The following KLF16 variants were observed in gnomAD, a reference collection of about 807,000 sequenced individuals.
The protein encoded by KLF16 is KLF transcription factor 16, also known as Krueppel-like factor 16.
A neutral mutation model predicts 6.1 loss-of-function variants in KLF16; 6 were observed. That is an observed-to-expected ratio of 0.98 (90% CI 0.54 to 1.93). The LOEUF (loss-of-function observed/expected upper bound fraction) is 1.93, where lower values mean the gene tolerates loss of function less well. KLF16 is among the 30% of genes most tolerant of loss of function. The pLI, the probability that KLF16 is intolerant of heterozygous loss-of-function variation, is 0.01. For missense variants in KLF16, 355 were observed against 363.8 expected (o/e 0.98, Z 0.20); for synonymous variants, 211 against 176.5 (o/e 1.20, Z -1.55).
chr19:1,863,005 C>T (rs201518751), intron 1 of KLF16, 36 bp downstream of exon 1: 65 of 1,239,224 alleles, frequency 5.2e-5, no homozygotes, highest in Non-Finnish European at 6.4e-5. Context: ...CTCAGGCGGC[C>T]GCCCCCGCAA....
rs999449143 is a variant in KLF16 at position 1,857,102 on chromosome 19, G to A, written c.458-2342C>T. Among the ~76,000 whole-genome samples the A allele has an allele frequency of 6.6e-6, 1 of 152,048 alleles. No homozygotes were observed. Among genetic ancestry groups the A allele is most frequent in the Non-Finnish European group, 1.5e-5 (1 of 67,970 alleles). On this transcript the variant is annotated intron_variant, in intron 1 of 1. Transcript: ENST00000250916. This position sits in a 1 kb window ranked among gnomAD's most constrained non-coding sequence, Gnocchi z 4.7. The stretch of plus-strand genomic sequence containing the variant: ...GCCGGGGCCAGGGGGCCCGGGCCAG[G>A]GTCGCCTCTCCGGCCTGGGTGCCTG...
chr19:1,858,061 C>CA (rs1005108174), intron 1 of KLF16, among the ~76,000 whole-genome samples: 10 of 152,076 alleles, frequency 6.6e-5, no homozygotes, highest in Non-Finnish European at 1.2e-4. Context: ...CCCCCATCCC[C>CA]ACTCCTCCAG....
At position 1,863,524 on chromosome 19, in the gene KLF16, G is replaced by A. The variant is rs1165273930; in HGVS notation, c.-27C>T. 30 of 979,576 alleles carry A rather than the reference G, an allele frequency of 3.1e-5. No individual in the cohort carries two copies. The highest frequency in any genetic ancestry group is 3.4e-5 in the Non-Finnish European group (28 of 825,684). 60.7% of individuals were successfully genotyped at this position (979,576 alleles called of 1,614,324 possible). On this transcript the variant is annotated 5_prime_UTR_variant, in exon 1 of 2. Transcript: ENST00000250916. ...CCGAGCAAGGGCGCGCGGCGCGGCG[G>A]GCGGAGCGGAGGCGGCGGGAGCGGC...
At chr19:1,862,826 G>A (rs1412869560) in intron 1 of KLF16, 2 of 331,402 alleles carry the variant, frequency 6.0e-6, no homozygotes, top group Non-Finnish European at 1.1e-5. Flanking sequence ...CGCCACTGCC[G>A]CCGGGGCGGC....
In KLF16 at chr19:1,854,117, A is replaced by AC. The variant is rs945758801; in HGVS notation, c.*341dup. 25 of 257,986 alleles carry AC rather than the reference A, an allele frequency of 9.7e-5. No homozygotes were observed. In the East Asian group the frequency reaches 1.3e-3, roughly 13 times the overall value. 16.0% of individuals were successfully genotyped at this position (257,986 alleles called of 1,614,324 possible). A position where few individuals can be genotyped will look rare whatever the true frequency, so the allele number is the denominator to read the frequency against. On this transcript the variant is annotated 3_prime_UTR_variant, in exon 2 of 2. Coordinates refer to ENST00000250916, the MANE Select transcript of KLF16 (RefSeq NM_031918.4). ...GGGCCGGCTCCCAGAAGTCCACTCC[A>AC]CCCCCCCAAACCCCACCCCGGGAGG...
At chr19:1,872,202 C>T in the KLF16 span, among the ~76,000 whole-genome samples, 1 of 152,168 alleles carries the variant, frequency 6.6e-6, no homozygotes, top group African/African-American at 2.4e-5. Flanking sequence ...GCAATCTTGG[C>T]TCACTGCAAC....
rs1793798670 is a variant in KLF16, at chr19:1,852,504, C to G, written c.*1955G>C. 6.6e-6 allele frequency: 1 copy of G among 152,186 alleles called. No individual in the cohort carries two copies. The highest frequency in any genetic ancestry group is 1.5e-5 in the Non-Finnish European group (1 of 68,056). The allele number at this position is 152,186 out of a possible 1,614,324, so 9.4% of individuals were successfully genotyped here. ...GAAAGCACACGCCTCTCGGAGCCGC[C>G]TCCCCTGCAAACGGCTGGAACCAGG... is the stretch of plus-strand genomic sequence containing the variant. On this transcript the variant is annotated 3_prime_UTR_variant, in exon 2 of 2. Transcript: ENST00000250916.
chr19:1,856,823 G>A (rs2011959204), intron 1 of KLF16, among the ~76,000 whole-genome samples: 1 of 152,176 alleles, frequency 6.6e-6, no homozygotes, highest in Admixed American at 6.5e-5. Flanking sequence ...GAGGCGGCAG[G>A]AGGGAAGGGG....
At chr19:1,863,681 G>A (rs2012125557), upstream of KLF16, 1 of 149,742 alleles carries the variant, frequency 6.7e-6, no homozygotes. Context: ...ACGCACCGGA[G>A]CCCGCGGGGG....
At chr19:1,867,961 T>TGC (rs1049765607), upstream of KLF16, among the ~76,000 whole-genome samples, 355 of 146,306 alleles carry the variant, frequency 2.4e-3, 1 homozygote, top group East Asian at 0.012. Flanking sequence ...TGTGTGTGTG[T>TGC]GCGTGCGCGC....
the KLF16 span, chr19:1,875,100 G>A: frequency 6.6e-6 from 1 of 152,206 alleles, no homozygotes; most frequent in East Asian, 1.9e-4. Flanking sequence ...CTCTTATGCT[G>A]GTGGGGGAGG....
rs748662596 is a variant in KLF16, at chr19:1,854,863, C to T, written c.458-103G>A. The T allele has an allele frequency of 1.3e-5, 16 of 1,259,124 alleles. No homozygotes were observed. The East Asian group carries it at 2.5e-4, about 20-fold the overall frequency. The allele number at this position is 1,259,124 out of a possible 1,614,324, so 78.0% of individuals were successfully genotyped here. A position where few individuals can be genotyped will look rare whatever the true frequency, so the allele number is the denominator to read the frequency against. On this transcript the variant is annotated intron_variant, in intron 1 of 1. Coordinates refer to ENST00000250916, the MANE Select transcript of KLF16 (RefSeq NM_031918.4). ...AGGGTGGCGGGCATTTGTCCCGTGC[C>T]GTTTTAGAGGCTGAGCTCTGGTGTG...
chr19:1,858,770 T>G (rs2012004424), intron 1 of KLF16, among the ~76,000 whole-genome samples: 1 of 152,108 alleles, frequency 6.6e-6, no homozygotes, highest in African/African-American at 2.4e-5. Flanking sequence ...TCTGGGTACC[T>G]GGGGGTCGGC....
rs896271453 is a variant in KLF16, at chr19:1,856,955, T to TGGG, written c.458-2198_458-2196dup. Among the ~76,000 whole-genome samples, 5 of 25,514 alleles carry TGGG rather than the reference T, an allele frequency of 2.0e-4. 1 individual carries two copies. The South Asian group carries it at 4.5e-3, about 23-fold the overall frequency. 16.7% of individuals were successfully genotyped at this position (25,514 alleles called of 152,430 possible). A position where few individuals can be genotyped will look rare whatever the true frequency, so the allele number is the denominator to read the frequency against. Reference sequence around the variant, plus strand: ...TGCAAGGAGGAGCAGGTTGCCGGGGTGGGGGGGGCGACCGGGGCAGGGGCG... The same window carrying TGGG: ...TGCAAGGAGGAGCAGGTTGCCGGGGTGGGGGGGGGGGCGACCGGGGCAGGGGCG... On this transcript the variant is annotated intron_variant, in intron 1 of 1. Transcript: ENST00000250916.
At chr19:1,858,265 C>A (rs562032023) in intron 1 of KLF16, among the ~76,000 whole-genome samples, 1 of 152,316 alleles carries the variant, frequency 6.6e-6, no homozygotes, top group South Asian at 2.1e-4. Flanking sequence ...CAGCTCCCGC[C>A]TGGGCACCCA....
intron 1 of KLF16, 53 bp downstream of exon 1, chr19:1,862,988 G>T (rs2012100582): frequency 5.3e-6 from 6 of 1,137,760 alleles, no homozygotes; most frequent in Non-Finnish European, 6.8e-6. Context: ...CCTGGCGGGG[G>T]AGGGGTCTCA....
At chr19:1,864,990 G>C (rs1182539272), upstream of KLF16, among the ~76,000 whole-genome samples, 3 of 152,302 alleles carry the variant, frequency 2.0e-5, no homozygotes, top group East Asian at 5.8e-4. Context: ...GACCCGATTC[G>C]GGGCTTCTCT....
the KLF16 span, among the ~76,000 whole-genome samples, chr19:1,868,642 C>CTTTT: frequency 2.6e-5 from 3 of 117,582 alleles, no homozygotes; most frequent in Admixed American, 8.7e-5. Context: ...CCACACCGGG[C>CTTTT]TTTTTTTTTT....
At chr19:1,858,891 G>A (rs1212101393) in intron 1 of KLF16, among the ~76,000 whole-genome samples, 2 of 151,960 alleles carry the variant, frequency 1.3e-5, no homozygotes, top group African/African-American at 4.8e-5. Flanking sequence ...GGTATCATGT[G>A]CCTCCTCCCC....
Sources: gnomAD v4.1 joint callset for allele counts (sites outside exome capture counted in the v4.1 genomes callset) on GRCh38, gnomAD v4.1.1 for gene constraint, Gnocchi (gnomAD v3.1) non-coding constraint, MANE v1.5 for transcripts, NCBI Gene and HGNC (gene_info 2026-07-23, HGNC 2026-07-21) for gene names.